The following GRM7 variants were observed in gnomAD, a reference collection of about 807,000 sequenced individuals.
GRM7 encodes metabotropic glutamate receptor 7.
In GRM7, 35 loss-of-function variants were observed where a neutral mutation model predicts 84.5. The observed-to-expected ratio is 0.41, with a 90% CI of 0.32 to 0.55. The LOEUF is 0.55. Among genes scored for constraint, GRM7 ranks in the 20% least tolerant of loss-of-function variants. The probability of loss-of-function intolerance (pLI) is 0.19; values close to 1 mark genes in which losing one functional copy is unlikely to be tolerated. For synonymous variants in GRM7, 487 were observed against 455.1 expected, an observed-to-expected ratio of 1.07 and a Z score of -0.89; for missense variants, 1,003 against 1,194.6, an observed-to-expected ratio of 0.84 and a Z score of 2.36.
At chr3:7,178,052 A>G (rs1166076227) in intron 2 of GRM7, among the ~76,000 whole-genome samples, 1 of 152,166 alleles carries the variant, frequency 6.6e-6, no homozygotes, top group Non-Finnish European at 1.5e-5. Flanking sequence ...GTATCAGCAG[A>G]TGACTCTTTA....
At position 7,094,224 on chromosome 3, in the gene GRM7, G is replaced by GA. The variant is rs113329903; in HGVS notation, c.520-52221dup. 2.5e-3 allele frequency among the ~76,000 whole-genome samples: 375 copies of GA among 151,998 alleles called. 2 individuals are homozygous for GA. Among genetic ancestry groups the GA allele is most frequent in the African/African-American group, 8.7e-3 (362 of 41,478 alleles). ...TTCTGAAGCTAAGCGAAGCAAGCTG[G>GA]AAAAAAACCCACAATTTTATAAAAA... On this transcript the variant is annotated intron_variant, in intron 1 of 9. Transcript: ENST00000357716.
Position 7,578,681 on chromosome 3 carries a change from T to C in GRM7, c.1775T>C (p.Val592Ala). The change falls in exon 8 of 10, where the codon GTG becomes GCG. Residue 592 changes from valine (V) to alanine (A), a missense_variant. Around this residue, in one of 2 missense-constraint regions of GRM7, gnomAD observed 910 missense variants for 1,126.0 expected, o/e 0.81. Coordinates refer to ENST00000357716, the MANE Select transcript of GRM7 (RefSeq NM_000844.4). ...IKLEWHSPWA[V>A]IPVFLAMLGI... ...CTGGAGTGGCACTCCCCCTGGGCTG[T>C]GATTCCTGTCTTCCTGGCAATGTTG... 1 of 1,614,118 alleles carries C rather than the reference T, an allele frequency of 6.2e-7. No individual in the cohort carries two copies. The highest frequency in any genetic ancestry group is 1.1e-5 in the South Asian group (1 of 91,080).
chr3:7,616,491 A>G (rs1263199416), intron 8 of GRM7, among the ~76,000 whole-genome samples: 1 of 152,098 alleles, frequency 6.6e-6, no homozygotes, highest in East Asian at 1.9e-4. Flanking sequence ...GTCCATCAGG[A>G]TCCAGCTAAT....
At chr3:7,444,983 G>T (rs1029487272) in intron 5 of GRM7, among the ~76,000 whole-genome samples, 1 of 152,148 alleles carries the variant, frequency 6.6e-6, no homozygotes, top group African/African-American at 2.4e-5. Context: ...GGTCATTTAA[G>T]CTGGACGATC....
intron 5 of GRM7, among the ~76,000 whole-genome samples, chr3:7,450,239 T>C (rs1697710678): frequency 6.6e-6 from 1 of 152,158 alleles, no homozygotes; most frequent in African/African-American, 2.4e-5. Flanking sequence ...GTGGTAGCCT[T>C]TCTCACGTAC....
intron 2 of GRM7, among the ~76,000 whole-genome samples, chr3:7,215,048 A>T (rs1002715810): frequency 3.3e-5 from 5 of 152,164 alleles, no homozygotes; most frequent in Admixed American, 2.6e-4. Flanking sequence ...TATTTGAAAA[A>T]GCGACCTCTA....
At chr3:7,654,893 G>C (rs555960386) in intron 8 of GRM7, among the ~76,000 whole-genome samples, 19 of 152,180 alleles carry the variant, frequency 1.2e-4, no homozygotes, top group Non-Finnish European at 2.6e-4. Context: ...CTTCTGATCA[G>C]CTCTACTACC....
rs1019821713 is a variant in GRM7 at position 7,306,488 on chromosome 3, C to A, written c.879-10C>A. On this transcript the variant is annotated splice_polypyrimidine_tract_variant and intron_variant, in intron 3 of 9. Transcript: ENST00000357716. ...ATCATTAATATAACTTTCCATATTT[C>A]TTTCCACAGGCAGATCCTTGCAGCA... 3 of 1,612,316 alleles carry A rather than the reference C, an allele frequency of 1.9e-6. No individual in the cohort carries two copies. Among genetic ancestry groups the A allele is most frequent in the Non-Finnish European group, 2.5e-6 (3 of 1,178,536 alleles).
At chr3:7,388,738 A>G (rs1212562003) in intron 4 of GRM7, among the ~76,000 whole-genome samples, 1 of 152,094 alleles carries the variant, frequency 6.6e-6, no homozygotes, top group African/African-American at 2.4e-5. Flanking sequence ...TGTTCATAGT[A>G]GTCTCTGAAG....
At chr3:6,882,715 G>C (rs545045252) in intron 1 of GRM7, among the ~76,000 whole-genome samples, 1 of 151,968 alleles carries the variant, frequency 6.6e-6, no homozygotes, top group Non-Finnish European at 1.5e-5. Flanking sequence ...AAAATGTTTT[G>C]TATCTTTTTT....
At chr3:7,546,048 GTTATTA>G (rs760973283) in intron 7 of GRM7, among the ~76,000 whole-genome samples, 1 of 152,078 alleles carries the variant, frequency 6.6e-6, no homozygotes, top group Non-Finnish European at 1.5e-5. Context: ...TTACTAATTA[GTTATTA>G]TTATCATTAA....
At chr3:7,635,679 A>C (rs536960878) in intron 8 of GRM7, among the ~76,000 whole-genome samples, 1 of 152,110 alleles carries the variant, frequency 6.6e-6, no homozygotes, top group Admixed American at 6.5e-5. Context: ...CTTTTTTATA[A>C]TTTTATTTTT....
At chr3:7,378,390 T>G (rs537755122) in intron 4 of GRM7, among the ~76,000 whole-genome samples, 4 of 152,336 alleles carry the variant, frequency 2.6e-5, no homozygotes, top group Admixed American at 2.6e-4. Context: ...CATCTAGATA[T>G]GTATACTAAT....
intron 9 of GRM7, among the ~76,000 whole-genome samples, chr3:7,688,129 A>G (rs1038219698): frequency 7.2e-5 from 11 of 152,164 alleles, no homozygotes; most frequent in Non-Finnish European, 1.5e-4. Context: ...TTTAATCTCA[A>G]TCCATTAAAA....
chr3:6,947,969 CA>C (rs1301797094), intron 1 of GRM7, among the ~76,000 whole-genome samples: 3 of 152,040 alleles, frequency 2.0e-5, no homozygotes, highest in Non-Finnish European at 2.9e-5. Context: ...GTCTTGCTAG[CA>C]GTCTATCAAT....
At chr3:7,678,176 T>C (rs1437927526) in intron 8 of GRM7, among the ~76,000 whole-genome samples, 2 of 152,144 alleles carry the variant, frequency 1.3e-5, no homozygotes, top group East Asian at 1.9e-4. Flanking sequence ...TCATGCAATA[T>C]ACCCATGTAA....
chr3:7,492,771 A>G (rs1330069453), intron 7 of GRM7, among the ~76,000 whole-genome samples: 2 of 151,908 alleles, frequency 1.3e-5, no homozygotes, highest in Non-Finnish European at 2.9e-5. Flanking sequence ...TGAGGTAGCA[A>G]CTCAGAGTAT....
chr3:7,496,908 C>T (rs1173307567), intron 7 of GRM7, among the ~76,000 whole-genome samples: 1 of 151,832 alleles, frequency 6.6e-6, no homozygotes, highest in African/African-American at 2.4e-5. Flanking sequence ...ATGAAGTTTT[C>T]TGTATTATTT....
At chr3:7,412,532 T>G (rs1488399706) in intron 4 of GRM7, among the ~76,000 whole-genome samples, 1 of 152,148 alleles carries the variant, frequency 6.6e-6, no homozygotes, top group African/African-American at 2.4e-5. Flanking sequence ...GTCTCTTGTC[T>G]CAGCCACCAA....
Sources: allele counts gnomAD v4.1 joint callset (sites outside exome capture counted in the v4.1 genomes callset), GRCh38; gene constraint gnomAD v4.1.1; regional missense constraint gnomAD v4.1.1; transcripts MANE v1.5; gene names NCBI Gene and HGNC (gene_info 2026-07-23, HGNC 2026-07-21).